The following CTNNA3 variants were observed in gnomAD, a reference collection of about 807,000 sequenced individuals.
The protein encoded by CTNNA3 is catenin alpha-3.
Under a neutral mutation model 95.7 loss-of-function variants are expected in CTNNA3, and 76 were observed. That is an observed-to-expected ratio of 0.79 (90% CI 0.66 to 0.96). The LOEUF (loss-of-function observed/expected upper bound fraction) is 0.96. Among genes scored for constraint, CTNNA3 ranks in the 40% least tolerant of loss-of-function variants. The pLI is 0.00. For missense variants in CTNNA3, 1,191 were observed against 1,089.8 expected, an observed-to-expected ratio of 1.09 and a Z score of -1.31; for synonymous variants, 431 against 374.4, an observed-to-expected ratio of 1.15 and a Z score of -1.74.
intron 13 of CTNNA3, among the ~76,000 whole-genome samples, chr10:66,206,301 C>T (rs1484510383): frequency 6.6e-6 from 1 of 151,816 alleles, no homozygotes; most frequent in African/African-American, 2.4e-5. Flanking sequence ...AACTATTGGA[C>T]ATAATTTCAA....
intron 5 of CTNNA3, among the ~76,000 whole-genome samples, chr10:67,483,610 G>C (rs1215303107): frequency 6.6e-6 from 1 of 151,516 alleles, no homozygotes; most frequent in Non-Finnish European, 1.5e-5. Context: ...GACTGTTGTG[G>C]GGTGGCGGGA....
At chr10:65,970,029 T>G (rs974548393) in intron 16 of CTNNA3, among the ~76,000 whole-genome samples, 1 of 151,856 alleles carries the variant, frequency 6.6e-6, no homozygotes. Context: ...GAGAAAAAGG[T>G]CAGAAGACAC....
At chr10:66,455,467 C>T (rs1366670195) in intron 11 of CTNNA3, among the ~76,000 whole-genome samples, 1 of 152,024 alleles carries the variant, frequency 6.6e-6, no homozygotes, top group East Asian at 1.9e-4. Context: ...AGTGAAGAAA[C>T]CAGCAAGAAT....
intron 7 of CTNNA3, among the ~76,000 whole-genome samples, chr10:67,061,194 A>G (rs1446778030): frequency 6.6e-6 from 1 of 152,184 alleles, no homozygotes; most frequent in Non-Finnish European, 1.5e-5. Flanking sequence ...TACCTGGCAT[A>G]TTAATAACTA....
intron 5 of CTNNA3, among the ~76,000 whole-genome samples, chr10:67,464,943 G>A (rs1847528845): frequency 6.6e-6 from 1 of 151,604 alleles, no homozygotes; most frequent in Non-Finnish European, 1.5e-5. Flanking sequence ...AAAGTTTAAT[G>A]GGGGAGAAAT....
chr10:66,569,983 T>C (rs911799042), intron 10 of CTNNA3, among the ~76,000 whole-genome samples: 1 of 152,202 alleles, frequency 6.6e-6, no homozygotes, highest in Non-Finnish European at 1.5e-5. Flanking sequence ...AGGGAAGTTG[T>C]CTGCAACCTC....
chr10:66,389,536 T>C (rs1050951969), intron 11 of CTNNA3, among the ~76,000 whole-genome samples: 2 of 152,086 alleles, frequency 1.3e-5, no homozygotes, highest in Admixed American at 6.6e-5. Context: ...TCTATTTTGT[T>C]GGAAAATAGT....
intron 9 of CTNNA3, among the ~76,000 whole-genome samples, chr10:66,762,662 C>T (rs7084050): frequency 0.41 from 62,253 of 151,572 alleles, 14,094 homozygotes; most frequent in Admixed American, 0.5. Flanking sequence ...TCCTCATTCC[C>T]GTTTGTTTTT....
chr10:66,929,032 T>C (rs1381885399), intron 7 of CTNNA3, among the ~76,000 whole-genome samples: 3 of 152,176 alleles, frequency 2.0e-5, no homozygotes, highest in African/African-American at 7.2e-5. Context: ...CCCTGAGCAG[T>C]TTCCAGAGGT....
chr10:66,725,278 G>C (rs914635381), intron 9 of CTNNA3, among the ~76,000 whole-genome samples: 1 of 152,010 alleles, frequency 6.6e-6, no homozygotes, highest in African/African-American at 2.4e-5. Context: ...TCTATCTTAA[G>C]ATCTAAAAAT....
At chr10:66,664,817 A>G (rs181129986) in intron 9 of CTNNA3, among the ~76,000 whole-genome samples, 1 of 151,674 alleles carries the variant, frequency 6.6e-6, no homozygotes, top group East Asian at 1.9e-4. Context: ...ATATTATTCA[A>G]TTTTGTCCTT....
At chr10:66,926,965 G>A in intron 7 of CTNNA3, 1 of 1,613,918 alleles carries the variant, frequency 6.2e-7, no homozygotes, top group Non-Finnish European at 8.5e-7. Flanking sequence ...TGTAGCACTG[G>A]TTATAGCCCC....
chr10:66,023,793 A>G (rs2079274188), intron 15 of CTNNA3, among the ~76,000 whole-genome samples: 1 of 152,192 alleles, frequency 6.6e-6, no homozygotes, highest in Non-Finnish European at 1.5e-5. Flanking sequence ...ATAACTCTTG[A>G]TAAATAAAGT....
Position 66,614,408 on chromosome 10 carries a change from C to T in CTNNA3, c.1374+7284G>A, listed in dbSNP as rs545184655. On this transcript the variant is annotated intron_variant, in intron 10 of 17. Coordinates refer to ENST00000433211, the MANE Select transcript of CTNNA3 (RefSeq NM_013266.4). ...AAGCATTATTCTTAGGATATATCAG[C>T]GGAACAAAAATTCCTATCCTCATGG... 1.1e-3 allele frequency among the ~76,000 whole-genome samples: 166 copies of T among 152,062 alleles called. 5 individuals carry two copies. Among genetic ancestry groups the T allele is most frequent in the Middle Eastern group, 6.8e-3 (2 of 294 alleles).
intron 13 of CTNNA3, among the ~76,000 whole-genome samples, chr10:66,161,035 C>A (rs911669656): frequency 3.9e-5 from 6 of 152,078 alleles, no homozygotes; most frequent in Non-Finnish European, 4.4e-5. Context: ...GCATGAAATG[C>A]CTTTTCCCAC....
chr10:65,952,808 C>T (rs1786918), intron 17 of CTNNA3, among the ~76,000 whole-genome samples: 20,369 of 152,048 alleles, frequency 0.13, 1,660 homozygotes, highest in South Asian at 0.26. Flanking sequence ...AGTTGCTTGG[C>T]GAATTTTCAG....
At position 66,775,514 on chromosome 10, in the gene CTNNA3, T is replaced by G; in HGVS notation, c.1058A>C (p.Lys353Thr). The G allele has an allele frequency of 6.2e-7, 1 of 1,609,146 alleles. No homozygotes were observed. The highest frequency in any genetic ancestry group is 8.5e-7 in the Non-Finnish European group (1 of 1,177,918). ...LSEYMNNAGK[K>T]ERSNTLNIAL... ...AATATTCAGGGTATTACTCCTTTCTTTTTTTCCAGCCTGCAAAGAAGAAAA... is the reference window on the plus strand; with the variant it reads ...AATATTCAGGGTATTACTCCTTTCTGTTTTTCCAGCCTGCAAAGAAGAAAA... Residue 353 changes from lysine to threonine, a missense_variant, in exon 8 of 18, where the codon AAA becomes ACA. Transcript: ENST00000433211.
chr10:65,912,547 A>G lies in CTNNA3; in HGVS notation c.*7783T>C, dbSNP rs2076954966. 1 of 152,172 alleles carries G rather than the reference A, an allele frequency of 6.6e-6. No homozygotes were observed. Among genetic ancestry groups the G allele is most frequent in the Non-Finnish European group, 1.5e-5 (1 of 68,012 alleles). 9.4% of individuals were successfully genotyped at this position (152,172 alleles called of 1,614,324 possible). A position where few individuals can be genotyped will look rare whatever the true frequency, so the allele number is the denominator to read the frequency against. ...ATGCATAGCCAATCTTTTCATTTTTATTGCTTTAACACACATTTTAATTTT... is the reference window on the plus strand; with the variant it reads ...ATGCATAGCCAATCTTTTCATTTTTGTTGCTTTAACACACATTTTAATTTT... On this transcript the variant is annotated 3_prime_UTR_variant, in exon 18 of 18. Coordinates refer to ENST00000433211, the MANE Select transcript of CTNNA3 (RefSeq NM_013266.4).
At chr10:66,173,610 G>A (rs185679901) in intron 13 of CTNNA3, among the ~76,000 whole-genome samples, 6 of 152,030 alleles carry the variant, frequency 3.9e-5, no homozygotes, top group African/African-American at 1.4e-4. Flanking sequence ...TTGAGCCTGG[G>A]AGGTAGAGGG....
Sources: allele counts gnomAD v4.1 joint callset (sites outside exome capture counted in the v4.1 genomes callset), GRCh38; gene constraint gnomAD v4.1.1; transcripts MANE v1.5; gene names NCBI Gene and HGNC (gene_info 2026-07-23, HGNC 2026-07-21).